Variants in SMPD3 observed in about 807,000 individuals in gnomAD.
The protein encoded by SMPD3 is nSMase-2.
In SMPD3, 21 loss-of-function variants were observed where a neutral mutation model predicts 55.7. That is an observed-to-expected ratio of 0.38 (90% CI 0.27 to 0.54). The LOEUF is 0.54. Ranked by LOEUF, SMPD3 falls within the 20% of genes least tolerant of loss-of-function variation. SMPD3 has a pLI of 0.80. For synonymous variants in SMPD3, 457 were observed against 404.3 expected, an observed-to-expected ratio of 1.13 and a Z score of -1.56; for missense variants, 842 against 899.6, an observed-to-expected ratio of 0.94 and a Z score of 0.82.
Position 68,400,592 on chromosome 16 carries a change from G to A in SMPD3, c.-268-13933C>T, listed in dbSNP as rs112465177. ...TTTCTGACAGTTTTATAAAAATTAA[G>A]TGGAAGAGATGAACTTTTTTAGTAC... On this transcript the variant is annotated intron_variant, in intron 1 of 8. Coordinates refer to ENST00000219334, the MANE Select transcript of SMPD3 (RefSeq NM_018667.4). 3.0e-3 allele frequency among the ~76,000 whole-genome samples: 459 copies of A among 152,344 alleles called. 1 individual carries two copies. The highest frequency in any genetic ancestry group is 0.01 in the African/African-American group (418 of 41,588).
chr16:68,385,654 A>G (rs2090041785), intron 2 of SMPD3, among the ~76,000 whole-genome samples: 1 of 152,144 alleles, frequency 6.6e-6, no homozygotes, highest in African/African-American at 2.4e-5. Flanking sequence ...TCAATATTTG[A>G]GAAGGAGTGG....
intron 1 of SMPD3, among the ~76,000 whole-genome samples, chr16:68,445,893 T>C (rs555578538): frequency 3.3e-5 from 5 of 152,186 alleles, no homozygotes; most frequent in Non-Finnish European, 7.4e-5. Flanking sequence ...AGGGGCATGC[T>C]TATCCTCTAG....
intron 1 of SMPD3, among the ~76,000 whole-genome samples, chr16:68,418,001 T>C (rs1369302654): frequency 6.6e-6 from 1 of 152,234 alleles, no homozygotes; most frequent in Non-Finnish European, 1.5e-5. Flanking sequence ...AGCACATGCC[T>C]GGTACATATC....
intron 1 of SMPD3, among the ~76,000 whole-genome samples, chr16:68,397,300 C>A (rs1198413020): frequency 1.3e-5 from 2 of 152,210 alleles, no homozygotes; most frequent in African/African-American, 2.4e-5. Context: ...AAGGTGGATG[C>A]TGCCATGATT....
rs1053666749 is a variant in SMPD3, at chr16:68,404,989, C to T, written c.-268-18330G>A. 1.3e-5 allele frequency among the ~76,000 whole-genome samples: 2 copies of T among 152,232 alleles called. No individual in the cohort carries two copies. Among genetic ancestry groups the T allele is most frequent in the Admixed American group, 6.5e-5 (1 of 15,276 alleles). On this transcript the variant is annotated intron_variant, in intron 1 of 8. Transcript: ENST00000219334. This position sits in a 1 kb window ranked among gnomAD's most constrained non-coding sequence, Gnocchi z 4.0. ...GCTCTTATCCGGGCATTTGGTAACT[C>T]GAGGAAAATGGACTTTTCCTCTTCT...
chr16:68,361,561 C>T (rs934239057), intron 8 of SMPD3, 42 bp downstream of exon 8: 1 of 1,598,482 alleles, frequency 6.3e-7, no homozygotes, highest in Non-Finnish European at 8.5e-7. Flanking sequence ...GGGCCCTGCT[C>T]TCTCTTTGCA....
intron 2 of SMPD3, among the ~76,000 whole-genome samples, chr16:68,381,713 T>G (rs1226425322): frequency 6.6e-6 from 1 of 152,180 alleles, no homozygotes; most frequent in Non-Finnish European, 1.5e-5. Context: ...TGAAGAGACA[T>G]GGAGCAGGGC....
rs746970417 is a variant in SMPD3 at position 68,371,045 on chromosome 16, G to A, written c.1137C>T (p.His379=). ...RAATKLKEQL[H]GYFEYILYDV... is the part of the protein sequence containing the mutation. ...CGTACAGGATGTACTCGAAGTAGCC[G>A]TGCAGCTGCTCTTTCAATTTGGTGG... Residue 379 remains histidine, a synonymous_variant, in exon 3 of 9, where the codon CAC becomes CAT. Transcript: ENST00000219334. 77 of 1,614,112 alleles carry A rather than the reference G, an allele frequency of 4.8e-5. No homozygotes were observed. The highest frequency in any genetic ancestry group is 5.7e-5 in the Non-Finnish European group (67 of 1,180,054).
chr16:68,427,353 C>T (rs1300701602), intron 1 of SMPD3, among the ~76,000 whole-genome samples: 2 of 152,170 alleles, frequency 1.3e-5, no homozygotes, highest in South Asian at 2.1e-4. Context: ...TTTTCTGTAT[C>T]GTCAAACTTG....
At chr16:68,401,418 G>A (rs1335153485) in intron 1 of SMPD3, among the ~76,000 whole-genome samples, 3 of 152,116 alleles carry the variant, frequency 2.0e-5, no homozygotes, top group African/African-American at 7.2e-5. Flanking sequence ...CTTGAGTTTG[G>A]GCGGTTGGGG....
chr16:68,381,456 C>T (rs906637759), intron 2 of SMPD3, among the ~76,000 whole-genome samples: 1 of 152,216 alleles, frequency 6.6e-6, no homozygotes, highest in African/African-American at 2.4e-5. Flanking sequence ...CTCACTTCCT[C>T]TGGCCCCTGG....
At chr16:68,400,433 G>A (rs1597646885) in intron 1 of SMPD3, among the ~76,000 whole-genome samples, 2 of 152,164 alleles carry the variant, frequency 1.3e-5, no homozygotes, top group East Asian at 3.8e-4. Flanking sequence ...CTGTTACAGG[G>A]CAAATCAGAT....
chr16:68,439,517 C>T (rs1252486940), intron 1 of SMPD3, among the ~76,000 whole-genome samples: 1 of 152,184 alleles, frequency 6.6e-6, no homozygotes, highest in East Asian at 1.9e-4. Context: ...CAGGGGCCTC[C>T]CAACAGAACC....
At chr16:68,413,479 A>G (rs1451539274) in intron 1 of SMPD3, among the ~76,000 whole-genome samples, 1 of 152,218 alleles carries the variant, frequency 6.6e-6, no homozygotes, top group African/African-American at 2.4e-5. Flanking sequence ...AAGGCCTTTG[A>G]TGATGAGAGG....
chr16:68,438,777 A>G (rs1218046650), intron 1 of SMPD3, among the ~76,000 whole-genome samples: 1 of 152,092 alleles, frequency 6.6e-6, no homozygotes, highest in African/African-American at 2.4e-5. Flanking sequence ...CCACAAGTTG[A>G]CCCACAAATC....
chr16:68,439,757 G>A (rs2090551984), intron 1 of SMPD3, among the ~76,000 whole-genome samples: 1 of 152,222 alleles, frequency 6.6e-6, no homozygotes, highest in South Asian at 2.1e-4. Flanking sequence ...AAAAGGTGAT[G>A]GTTGAGAACA....
At chr16:68,364,503 GCCC>G (rs2089416425) in intron 5 of SMPD3, 1 of 500,208 alleles carries the variant, frequency 2.0e-6, no homozygotes, top group African/African-American at 1.9e-5. Context: ...TGCTTCAGAG[GCCC>G]CCAGCCTTCC....
At chr16:68,365,199 T>A in intron 3 of SMPD3, 107 bp from the exon 4 acceptor site, 5 of 1,119,646 alleles carry the variant, frequency 4.5e-6, no homozygotes, top group Non-Finnish European at 6.6e-6. Flanking sequence ...CTCACAAGCC[T>A]GGCTCCTGGC....
rs78821061 is a variant in SMPD3 at position 68,446,322 on chromosome 16, G to T, written c.-269+2031C>A. Among the ~76,000 whole-genome samples the T allele has an allele frequency of 1.6e-3, 237 of 152,266 alleles. 6 individuals carry two copies. In the East Asian group the frequency reaches 0.043, roughly 27 times the overall value. On this transcript the variant is annotated intron_variant, in intron 1 of 8. Transcript: ENST00000219334. ...TCCCCACTTACTGGGCCTTTCGCAGGCCAGGCAGGCTAGGCACAAAGCAAC... is the reference window on the plus strand; with the variant it reads ...TCCCCACTTACTGGGCCTTTCGCAGTCCAGGCAGGCTAGGCACAAAGCAAC...
Sources: gnomAD v4.1 joint callset for allele counts (sites outside exome capture counted in the v4.1 genomes callset) on GRCh38, gnomAD v4.1.1 for gene constraint, Gnocchi (gnomAD v3.1) non-coding constraint, MANE v1.5 for transcripts, NCBI Gene and HGNC (gene_info 2026-07-23, HGNC 2026-07-21) for gene names.